DAB2IP: variants seen among roughly 807,000 people sequenced by gnomAD.
DAB2IP encodes disabled homolog 2-interacting protein.
Under a neutral mutation model 107.2 loss-of-function variants are expected in DAB2IP, and 28 were observed. The ratio of observed to expected loss-of-function variants is 0.26; its 90% CI spans 0.19 to 0.36. The LOEUF is 0.36. Among genes scored for constraint, DAB2IP ranks in the 10% least tolerant of loss-of-function variants. DAB2IP has a pLI of 1.00. For missense variants in DAB2IP, 1,400 were observed against 1,644.7 expected (o/e 0.85, Z 2.57); for synonymous variants, 755 against 706.4 (o/e 1.07, Z -1.09).
chr9:121,735,101 G>C (rs1392155622), intron 3 of DAB2IP, among the ~76,000 whole-genome samples: 2 of 152,252 alleles, frequency 1.3e-5, no homozygotes, highest in African/African-American at 4.8e-5. Flanking sequence ...ATAAACAGAT[G>C]ACAGCTCTGA....
intron 1 of DAB2IP, among the ~76,000 whole-genome samples, chr9:121,586,745 G>A (rs1261046853): frequency 1.3e-5 from 2 of 152,016 alleles, no homozygotes; most frequent in African/African-American, 4.8e-5. Context: ...GCTTTAGCCT[G>A]GGAGGTGGAG....
rs557566683 is a variant in DAB2IP, at chr9:121,763,990, T to G, written c.1460+111T>G. 4 of 1,458,722 alleles carry G rather than the reference T, an allele frequency of 2.7e-6. No individual in the cohort carries two copies. In the South Asian group the frequency reaches 5.3e-5, roughly 19 times the overall value. 90.4% of individuals were successfully genotyped at this position (1,458,722 alleles called of 1,614,324 possible). ...GCCTGGCCCCTGAGTTGTACTGACT[T>G]GCCAGTCCCCTGGCCTAGTCCCTTT... On this transcript the variant is annotated intron_variant, in intron 8 of 15. Transcript: ENST00000408936.
At chr9:121,579,329 C>CG (rs1830139166) in intron 1 of DAB2IP, among the ~76,000 whole-genome samples, 1 of 152,120 alleles carries the variant, frequency 6.6e-6, no homozygotes, top group African/African-American at 2.4e-5. Context: ...CTCCTACCCC[C>CG]CCACCCTGAG....
At chr9:121,638,921 C>A (rs1044406709) in intron 1 of DAB2IP, among the ~76,000 whole-genome samples, 2 of 152,076 alleles carry the variant, frequency 1.3e-5, no homozygotes, top group African/African-American at 4.8e-5. Flanking sequence ...AGGTGGGAAT[C>A]ATGGGAGCAA....
At chr9:121,716,572 C>A (rs981117781) in intron 3 of DAB2IP, among the ~76,000 whole-genome samples, 2 of 152,220 alleles carry the variant, frequency 1.3e-5, no homozygotes, top group African/African-American at 4.8e-5. Flanking sequence ...CAGCAGGGCC[C>A]TTAGAGACTG....
chr9:121,638,009 C>A (rs1414511867), intron 1 of DAB2IP, among the ~76,000 whole-genome samples: 1 of 152,090 alleles, frequency 6.6e-6, no homozygotes, highest in Non-Finnish European at 1.5e-5. Context: ...ACACCCCCCT[C>A]CCCCCATTGG....
intron 1 of DAB2IP, among the ~76,000 whole-genome samples, chr9:121,620,770 C>T (rs918758182): frequency 2.0e-5 from 3 of 152,132 alleles, no homozygotes; most frequent in African/African-American, 7.2e-5. Flanking sequence ...GAGGTCCTAA[C>T]CCGGGTACCC....
rs758607276 is a variant in DAB2IP, at chr9:121,698,297, C to T, written c.229-1028C>T. ...CTCAAGCTGCCTGTAGTTTCCAAGC[C>T]CGGCAGGACACAGGCTGTGTCCCCT... On this transcript the variant is annotated intron_variant, in intron 2 of 15. Coordinates refer to ENST00000408936, the Ensembl canonical transcript of DAB2IP. The surrounding 1 kb of genome is among the most constrained non-coding windows in gnomAD (Gnocchi z 4.1). 6.6e-6 allele frequency among the ~76,000 whole-genome samples: 1 copy of T among 152,106 alleles called. No individual in the cohort carries two copies. The highest frequency in any genetic ancestry group is 1.5e-5 in the Non-Finnish European group (1 of 68,020).
rs974327570 is a variant in DAB2IP at position 121,599,676 on chromosome 9, G to A, written c.40+32448G>A. Reference sequence around the variant, plus strand: ...TCCTGCAGCCGCCCGGCGACACCGCGACTCCGCCGCTTCGCAACCCTGGCC... The same window carrying A: ...TCCTGCAGCCGCCCGGCGACACCGCAACTCCGCCGCTTCGCAACCCTGGCC... On this transcript the variant is annotated intron_variant, in intron 1 of 16. Transcript: ENST00000259371. The surrounding 1 kb of genome is among the most constrained non-coding windows in gnomAD (Gnocchi z 6.9). Among the ~76,000 whole-genome samples, 1 of 152,156 alleles carries A rather than the reference G, an allele frequency of 6.6e-6. No homozygotes were observed. The highest frequency in any genetic ancestry group is 1.5e-5 in the Non-Finnish European group (1 of 68,016).
chr9:121,766,414 A>G (rs542238794), intron 8 of DAB2IP, 80 bp from the exon 9 acceptor site: 158 of 1,351,926 alleles, frequency 1.2e-4, no homozygotes, highest in Middle Eastern at 1.8e-4. Context: ...CCAAGGTTGG[A>G]ATGCAGGTTC....
intron 3 of DAB2IP, among the ~76,000 whole-genome samples, chr9:121,754,612 G>A (rs892827116): frequency 3.3e-5 from 5 of 152,208 alleles, no homozygotes; most frequent in Non-Finnish European, 7.3e-5. Flanking sequence ...CTTCCCTACA[G>A]CCCTCTCTTC....
At chr9:121,749,947 T>C (rs1308705556) in intron 3 of DAB2IP, among the ~76,000 whole-genome samples, 1 of 152,164 alleles carries the variant, frequency 6.6e-6, no homozygotes, top group East Asian at 1.9e-4. Flanking sequence ...CGTTCACCAG[T>C]GTTGTTCATA....
chr9:121,759,450 T>C (rs1190133955), intron 5 of DAB2IP, among the ~76,000 whole-genome samples: 2 of 152,188 alleles, frequency 1.3e-5, no homozygotes, highest in African/African-American at 4.8e-5. Context: ...TGCTTCTGTA[T>C]CTGTCTCCCT....
upstream of DAB2IP, among the ~76,000 whole-genome samples, chr9:121,647,864 G>T (rs191158404): frequency 1.4e-5 from 2 of 147,858 alleles, no homozygotes; most frequent in African/African-American, 5.0e-5. Flanking sequence ...ATACATATAC[G>T]TATTATATAT....
At chr9:121,746,909 A>G (rs1368408522) in intron 3 of DAB2IP, among the ~76,000 whole-genome samples, 1 of 152,164 alleles carries the variant, frequency 6.6e-6, no homozygotes, top group East Asian at 1.9e-4. Context: ...TCAGGCCATG[A>G]TGCATGGGTG....
At chr9:121,749,378 G>A (rs1832948147) in intron 3 of DAB2IP, among the ~76,000 whole-genome samples, 1 of 152,228 alleles carries the variant, frequency 6.6e-6, no homozygotes, top group African/African-American at 2.4e-5. Context: ...GGACCTGCCT[G>A]GCTATGACAG....
chr9:121,783,719 CCCCGGCCAAGGACCCAGGCG>C, exon 16 of DAB2IP: 1 of 907,210 alleles, frequency 1.1e-6, no homozygotes, highest in Non-Finnish European at 1.7e-6. Flanking sequence ...CCTTCCCGGC[CCCCGGCCAAGGACCCAGGCG>C]CTGCATACAG....
intron 3 of DAB2IP, chr9:121,737,345 G>A (rs1406432243): frequency 4.2e-5 from 41 of 985,348 alleles, no homozygotes; most frequent in Non-Finnish European, 4.9e-5. Flanking sequence ...TGAAGGACAC[G>A]GAAACCTTTA....
At chr9:121,656,297 C>G (rs967566009) in intron 1 of DAB2IP, among the ~76,000 whole-genome samples, 4 of 151,726 alleles carry the variant, frequency 2.6e-5, no homozygotes, top group African/African-American at 9.7e-5. Context: ...CATGAGCCAC[C>G]GTGCCTGGCT....
Sources: allele counts gnomAD v4.1 joint callset (sites outside exome capture counted in the v4.1 genomes callset), GRCh38; gene constraint gnomAD v4.1.1; non-coding constraint Gnocchi (gnomAD v3.1); transcripts MANE v1.5; gene names NCBI Gene and HGNC (gene_info 2026-07-23, HGNC 2026-07-21).